The following SLC39A9 variants were observed in gnomAD, a reference collection of about 807,000 sequenced individuals.
SLC39A9 encodes the protein zinc transporter ZIP9.
Under a neutral mutation model 28.4 loss-of-function variants are expected in SLC39A9, and 14 were observed. That is an observed-to-expected ratio of 0.49 (90% CI 0.33 to 0.77). The LOEUF (loss-of-function observed/expected upper bound fraction) is 0.77, where lower values mean the gene tolerates loss of function less well. Ranked by LOEUF, SLC39A9 falls within the 30% of genes least tolerant of loss-of-function variation. The pLI is 0.02. For synonymous variants in SLC39A9, 119 were observed against 149.6 expected (o/e 0.80, Z 1.49); for missense variants, 283 against 381.1 (o/e 0.74, Z 2.14).
chr14:69,432,464 A>G (rs1161045939), intron 2 of SLC39A9, among the ~76,000 whole-genome samples: 4 of 152,064 alleles, frequency 2.6e-5, no homozygotes, highest in African/African-American at 7.3e-5. Context: ...AACCTTTGTC[A>G]GATGTGTAGT....
intron 2 of SLC39A9, among the ~76,000 whole-genome samples, chr14:69,434,760 A>C (rs1884664506): frequency 6.6e-6 from 1 of 152,152 alleles, no homozygotes; most frequent in South Asian, 2.1e-4. Context: ...CTATATTTTT[A>C]TCTTTATTTA....
intron 1 of SLC39A9, among the ~76,000 whole-genome samples, chr14:69,402,676 T>G (rs1162518955): frequency 6.6e-6 from 1 of 152,106 alleles, no homozygotes; most frequent in Non-Finnish European, 1.5e-5. Flanking sequence ...GCCTTAAAAA[T>G]TTATAAAACA....
At chr14:69,410,455 A>G (rs1307058807) in intron 1 of SLC39A9, among the ~76,000 whole-genome samples, 2 of 152,198 alleles carry the variant, frequency 1.3e-5, no homozygotes, top group African/African-American at 2.4e-5. Context: ...CAATAATAAT[A>G]CTAGTAGCAG....
At chr14:69,446,873 C>CAAAAA (rs35612117) in intron 3 of SLC39A9, among the ~76,000 whole-genome samples, 1 of 89,808 alleles carries the variant, frequency 1.1e-5, no homozygotes, top group South Asian at 3.6e-4. Context: ...AACTCTGTCT[C>CAAAAA]AAAAAAAAAA....
intron 1 of SLC39A9, among the ~76,000 whole-genome samples, chr14:69,407,306 T>C (rs547527112): frequency 7.0e-6 from 1 of 142,216 alleles, no homozygotes; most frequent in South Asian, 2.2e-4. Context: ...TTCCTTCCCT[T>C]CCTTCCTTCC....
At chr14:69,439,666 C>T (rs1318652594) in intron 2 of SLC39A9, among the ~76,000 whole-genome samples, 2 of 152,096 alleles carry the variant, frequency 1.3e-5, no homozygotes, top group African/African-American at 4.8e-5. Flanking sequence ...GTGTTTGGGT[C>T]ATGAGGGTGG....
rs1338957806 is a variant in SLC39A9 at position 69,455,783 on chromosome 14, C to T, written c.610C>T (p.Arg204Trp). Residue 204 changes from arginine to tryptophan, a missense_variant, in exon 6 of 7, where the codon CGG becomes TGG. Arg to Trp is a moderately radical substitution (Grantham distance 101, BLOSUM62 -3). Transcript: ENST00000336643. ...CTTCTTGATGCATGCTGGCTTAGAGCGGAATCGAATCAGAAAGCACTTGCT... is the reference window on the plus strand; with the variant it reads ...CTTCTTGATGCATGCTGGCTTAGAGTGGAATCGAATCAGAAAGCACTTGCT... ...VSFLMHAGLE[R>W]NRIRKHLLVF... The T allele has an allele frequency of 2.5e-6, 4 of 1,614,062 alleles. No individual in the cohort carries two copies. The highest frequency in any genetic ancestry group is 1.3e-5 in the African/African-American group (1 of 74,920).
chr14:69,417,800 G>C (rs1883658995), intron 1 of SLC39A9, among the ~76,000 whole-genome samples: 1 of 152,150 alleles, frequency 6.6e-6, no homozygotes, highest in Non-Finnish European at 1.5e-5. Flanking sequence ...GAATGCTTGT[G>C]ATTTTTGCAC....
At chr14:69,419,976 T>C (rs990701556) in intron 1 of SLC39A9, among the ~76,000 whole-genome samples, 7 of 152,336 alleles carry the variant, frequency 4.6e-5, no homozygotes, top group African/African-American at 1.7e-4. Flanking sequence ...GTCTTTTAAT[T>C]GGGGCATTGA....
In SLC39A9 at chr14:69,399,476, C is replaced by T; in HGVS notation, c.96+11C>T. On this transcript the variant is annotated intron_variant, in intron 1 of 6. Coordinates refer to ENST00000336643, the MANE Select transcript of SLC39A9 (RefSeq NM_018375.5). Reference sequence around the variant, plus strand: ...GTTAATTTCTCAGAGGTAAGAAATTCTCAATTTTCTGTCAGCTGTCAGGAT... The same window carrying T: ...GTTAATTTCTCAGAGGTAAGAAATTTTCAATTTTCTGTCAGCTGTCAGGAT... 1 of 1,609,038 alleles carries T rather than the reference C, an allele frequency of 6.2e-7. No homozygotes were observed. Among genetic ancestry groups the T allele is most frequent in the Non-Finnish European group, 8.5e-7 (1 of 1,175,798 alleles).
intron 2 of SLC39A9, among the ~76,000 whole-genome samples, chr14:69,437,430 C>G (rs773107133): frequency 2.6e-5 from 4 of 152,034 alleles, no homozygotes; most frequent in Non-Finnish European, 4.4e-5. Context: ...TTTTTGTAGT[C>G]CTGAAGTAGT....
intron 1 of SLC39A9, among the ~76,000 whole-genome samples, chr14:69,404,774 T>A (rs762673030): frequency 2.0e-5 from 3 of 152,214 alleles, no homozygotes; most frequent in Non-Finnish European, 4.4e-5. Flanking sequence ...TTTTTCTTAG[T>A]ATTTAACTCT....
At chr14:69,435,675 A>G (rs1594932831) in intron 2 of SLC39A9, among the ~76,000 whole-genome samples, 2 of 150,912 alleles carry the variant, frequency 1.3e-5, no homozygotes, top group South Asian at 2.1e-4. Flanking sequence ...CCAGTCTACT[A>G]TTTTCTTTTT....
chr14:69,450,632 G>A (rs960842721), intron 3 of SLC39A9, among the ~76,000 whole-genome samples: 3 of 152,074 alleles, frequency 2.0e-5, no homozygotes, highest in Non-Finnish European at 2.9e-5. Context: ...TTAAAAATTA[G>A]CCAGGCATAG....
At chr14:69,403,701 C>T (rs10132626) in intron 1 of SLC39A9, among the ~76,000 whole-genome samples, 47,560 of 152,062 alleles carry the variant, frequency 0.31, 7,642 homozygotes, top group Middle Eastern at 0.46. Context: ...CCATACTTTT[C>T]TTATTGCAGA....
chr14:69,424,180 C>T lies in SLC39A9; in HGVS notation c.183C>T (p.Ala61=). The T allele has an allele frequency of 6.2e-7, 1 of 1,613,070 alleles. No homozygotes were observed. Residue 61 remains alanine, a synonymous_variant, in exon 2 of 7, where the codon GCC becomes GCT. Coordinates refer to ENST00000336643, the MANE Select transcript of SLC39A9 (RefSeq NM_018375.5). ...LAVIVPEGVH[A]LYEDILEGKH... is the part of the protein sequence containing the mutation. ...TCATCGTGCCTGAAGGAGTACATGCCCTTTATGAAGATATTCTTGAGGGTG... is the reference window on the plus strand; with the variant it reads ...TCATCGTGCCTGAAGGAGTACATGCTCTTTATGAAGATATTCTTGAGGGTG...
intron 2 of SLC39A9, among the ~76,000 whole-genome samples, chr14:69,426,969 C>T (rs1030176743): frequency 2.6e-5 from 4 of 151,618 alleles, no homozygotes; most frequent in African/African-American, 9.7e-5. Context: ...AGGTTGCATT[C>T]CCTTATTTTC....
At chr14:69,413,654 C>T (rs984113056) in intron 1 of SLC39A9, among the ~76,000 whole-genome samples, 6 of 151,740 alleles carry the variant, frequency 4.0e-5, no homozygotes, top group Non-Finnish European at 7.4e-5. Context: ...TTTTTTCTCT[C>T]GGTGTTGCTG....
upstream of SLC39A9, chr14:69,398,484 A>T (rs984388353): frequency 3.9e-5 from 23 of 590,570 alleles, no homozygotes; most frequent in Non-Finnish European, 6.3e-5. Flanking sequence ...AGGAAGAATT[A>T]TTTTTTTTCA....
Sources: gnomAD v4.1 joint callset for allele counts (sites outside exome capture counted in the v4.1 genomes callset) on GRCh38, gnomAD v4.1.1 for gene constraint, MANE v1.5 for transcripts, NCBI Gene and HGNC (gene_info 2026-07-23, HGNC 2026-07-21) for gene names.